The following LPAR3 variants were observed in gnomAD, a reference collection of about 807,000 sequenced individuals.
LPAR3 encodes the protein LPA receptor 3.
A neutral mutation model predicts 17.8 loss-of-function variants in LPAR3; 7 were observed. That is an observed-to-expected ratio of 0.39 (90% CI 0.22 to 0.74). The LOEUF is 0.74. Ranked by LOEUF, LPAR3 falls within the 30% of genes least tolerant of loss-of-function variation. The probability of loss-of-function intolerance (pLI) is 0.40; values close to 1 mark genes in which losing one functional copy is unlikely to be tolerated. For synonymous variants in LPAR3, 179 were observed against 179.9 expected (o/e 0.99, Z 0.04); for missense variants, 391 against 453.4 (o/e 0.86, Z 1.25).
At chr1:84,860,449 A>G (rs554235145) in intron 2 of LPAR3, among the ~76,000 whole-genome samples, 2 of 152,256 alleles carry the variant, frequency 1.3e-5, no homozygotes, top group Admixed American at 6.5e-5. Context: ...AAATGTTTCT[A>G]TCATCACACT....
chr1:84,832,198 T>C lies in LPAR3; in HGVS notation c.737-18027A>G, dbSNP rs180986546. ...ATCCCCCACGAAAGGGCAGTCACAG[T>C]TACAATCTGTGTTGTCAGCCATAAA... On this transcript the variant is annotated intron_variant, in intron 2 of 2. Transcript: ENST00000370611. Among the ~76,000 whole-genome samples, 41 of 152,282 alleles carry C rather than the reference T, an allele frequency of 2.7e-4. 1 individual carries two copies. The East Asian group carries it at 3.5e-3, about 13-fold the overall frequency.
chr1:84,892,875 A>T (rs1660578182), intron 1 of LPAR3, 141 bp downstream of exon 1: 1 of 152,284 alleles, frequency 6.6e-6, no homozygotes, highest in Non-Finnish European at 1.5e-5. Context: ...GTGGGTCTGG[A>T]GCCCAGGCTT....
intron 2 of LPAR3, among the ~76,000 whole-genome samples, chr1:84,824,051 G>C (rs935946212): frequency 6.6e-6 from 1 of 152,192 alleles, no homozygotes; most frequent in Non-Finnish European, 1.5e-5. Context: ...CATGAGCATA[G>C]AACAGTGCCC....
rs1214092159 is a variant in LPAR3 at position 84,812,135 on chromosome 1, G to A, written c.*1711C>T. On this transcript the variant is annotated 3_prime_UTR_variant, in exon 3 of 3. Coordinates refer to ENST00000370611, the MANE Select transcript of LPAR3 (RefSeq NM_012152.3). ...CAACATGCCACCAGTTGGTATGGAG[G>A]TAACTGAAGATAAGGACTGGGGTCA... 1 of 152,146 alleles carries A rather than the reference G, an allele frequency of 6.6e-6. No homozygotes were observed. Among genetic ancestry groups the A allele is most frequent in the Non-Finnish European group, 1.5e-5 (1 of 68,030 alleles). The allele number at this position is 152,146 out of a possible 1,614,324, so 9.4% of individuals were successfully genotyped here.
chr1:84,885,468 C>A (rs925344852), intron 1 of LPAR3, among the ~76,000 whole-genome samples: 7 of 152,244 alleles, frequency 4.6e-5, no homozygotes, highest in Non-Finnish European at 1.0e-4. Flanking sequence ...GGCAATTTGG[C>A]AATATCTAAT....
At chr1:84,828,137 T>C (rs942830358) in intron 2 of LPAR3, among the ~76,000 whole-genome samples, 103 of 152,250 alleles carry the variant, frequency 6.8e-4, no homozygotes, top group African/African-American at 2.4e-3. Flanking sequence ...TTTTTTCTAT[T>C]GCAGGCCCTC....
Position 84,813,979 on chromosome 1 carries a change from CA to C in LPAR3, c.928del (p.Cys310AlafsTer29). ...CCTCTCTGGGTTCTCCTGAGAGAAG[CA>C]GCAGATCATCTTCTTCATGGTGCCA... The part of the protein sequence containing the change: ...MYGTMKKMIC[C>X]FSQENPERRP... On this transcript the variant is annotated frameshift_variant, in exon 3 of 3. Coordinates refer to ENST00000370611, the MANE Select transcript of LPAR3 (RefSeq NM_012152.3). LOFTEE classifies it high-confidence loss of function. 6.2e-7 allele frequency: 1 copy of C among 1,614,180 alleles called. No homozygotes were observed. Among genetic ancestry groups the C allele is most frequent in the Non-Finnish European group, 8.5e-7 (1 of 1,180,034 alleles).
chr1:84,863,434 G>T (rs1019718145), intron 2 of LPAR3, among the ~76,000 whole-genome samples: 2 of 152,118 alleles, frequency 1.3e-5, no homozygotes, highest in Non-Finnish European at 2.9e-5. Context: ...CACTGCTAAT[G>T]CTTCCTCTCC....
At chr1:84,820,500 G>C (rs181717479) in intron 2 of LPAR3, among the ~76,000 whole-genome samples, 1 of 152,328 alleles carries the variant, frequency 6.6e-6, no homozygotes, top group East Asian at 1.9e-4. Flanking sequence ...GCACAGGTGA[G>C]AAATAGCGTG....
chr1:84,856,219 A>G (rs1659817747), intron 2 of LPAR3, among the ~76,000 whole-genome samples: 1 of 152,156 alleles, frequency 6.6e-6, no homozygotes, highest in South Asian at 2.1e-4. Flanking sequence ...CCATTTCAAG[A>G]CAAAAGTACG....
intron 1 of LPAR3, among the ~76,000 whole-genome samples, chr1:84,867,243 G>C (rs1014079024): frequency 2.6e-5 from 4 of 152,344 alleles, no homozygotes; most frequent in Admixed American, 2.0e-4. Flanking sequence ...CCTCACAGTG[G>C]TCTGGCCACA....
chr1:84,879,508 T>A (rs187319023), intron 1 of LPAR3, among the ~76,000 whole-genome samples: 1 of 152,202 alleles, frequency 6.6e-6, no homozygotes, highest in East Asian at 1.9e-4. Context: ...AGACAGGGTT[T>A]CACCGTGTTA....
At position 84,872,534 on chromosome 1, in the gene LPAR3, A is replaced by G. The variant is rs572811568; in HGVS notation, c.-18-6396T>C. On this transcript the variant is annotated intron_variant, in intron 1 of 2. Transcript: ENST00000370611. The stretch of plus-strand genomic sequence containing the variant: ...CCAATGGCCAAAGCTACAACAATCC[A>G]GGCAACAAAATAAAGTAGTACTGGA... Among the ~76,000 whole-genome samples, 3 of 152,354 alleles carry G rather than the reference A, an allele frequency of 2.0e-5. No individual in the cohort carries two copies. The South Asian group carries it at 6.2e-4, about 32-fold the overall frequency.
chr1:84,813,031 G>A lies in LPAR3; in HGVS notation c.*815C>T, dbSNP rs1388181407. ...GTAACCCCGTATCTGAAATACTCCA[G>A]GGATCCATGTTTCTTTCAATAGTCA... On this transcript the variant is annotated 3_prime_UTR_variant, in exon 3 of 3. Transcript: ENST00000370611. The A allele has an allele frequency of 6.7e-6, 1 of 150,280 alleles. No homozygotes were observed. Among genetic ancestry groups the A allele is most frequent in the East Asian group, 2.0e-4 (1 of 5,104 alleles). The allele number at this position is 150,280 out of a possible 1,614,324, so 9.3% of individuals were successfully genotyped here. A position where few individuals can be genotyped will look rare whatever the true frequency, so the allele number is the denominator to read the frequency against.
chr1:84,838,201 C>G (rs1036635559), intron 2 of LPAR3, among the ~76,000 whole-genome samples: 2 of 152,194 alleles, frequency 1.3e-5, no homozygotes, highest in Non-Finnish European at 2.9e-5. Context: ...GTGAGGATCA[C>G]TGTTGCCAAC....
intron 2 of LPAR3, among the ~76,000 whole-genome samples, chr1:84,850,973 T>A (rs1211139478): frequency 6.6e-6 from 1 of 152,200 alleles, no homozygotes; most frequent in African/African-American, 2.4e-5. Context: ...GCTGGTGAGA[T>A]GGTGGCTCCC....
intron 2 of LPAR3, among the ~76,000 whole-genome samples, chr1:84,832,662 G>T (rs1025593239): frequency 1.3e-5 from 2 of 152,130 alleles, no homozygotes; most frequent in African/African-American, 4.8e-5. Context: ...TCGAGATCAG[G>T]CACCATCCCT....
chr1:84,841,209 A>G (rs1323910308), intron 2 of LPAR3, among the ~76,000 whole-genome samples: 3 of 152,202 alleles, frequency 2.0e-5, no homozygotes, highest in Non-Finnish European at 2.9e-5. Context: ...TCCATTTCCC[A>G]TTTTTGTGAT....
intron 2 of LPAR3, among the ~76,000 whole-genome samples, chr1:84,834,275 ATTTAT>A (rs1460003085): frequency 6.6e-6 from 1 of 152,202 alleles, no homozygotes; most frequent in East Asian, 1.9e-4. Context: ...TTTAATCAAT[ATTTAT>A]TAATGAGTAA....
Sources: gnomAD v4.1 joint callset for allele counts (sites outside exome capture counted in the v4.1 genomes callset) on GRCh38, gnomAD v4.1.1 for gene constraint, MANE v1.5 for transcripts, NCBI Gene and HGNC (gene_info 2026-07-23, HGNC 2026-07-21) for gene names.